DOCK3: variants seen among roughly 807,000 people sequenced by gnomAD.
The protein encoded by DOCK3 is dedicator of cytokinesis protein 3.
Under a neutral mutation model 265.6 loss-of-function variants are expected in DOCK3, and 60 were observed. The ratio of observed to expected loss-of-function variants is 0.23; its 90% CI spans 0.18 to 0.28. DOCK3 has a LOEUF of 0.28. Among genes scored for constraint, DOCK3 ranks in the 10% least tolerant of loss-of-function variants. DOCK3 has a pLI of 1.00. For missense variants in DOCK3, 1,981 were observed against 2,594.3 expected (o/e 0.76, Z 5.14); for synonymous variants, 881 against 938.0 (o/e 0.94, Z 1.11).
intron 12 of DOCK3, among the ~76,000 whole-genome samples, chr3:51,176,190 G>A (rs768394900): frequency 1.1e-4 from 17 of 152,188 alleles, no homozygotes; most frequent in Non-Finnish European, 2.1e-4. Context: ...ATTAACAACA[G>A]GAGTCTTTAA....
rs534473096 is a variant in DOCK3 at position 51,094,946 on chromosome 3, T to A, written c.746+4562T>A. Among the ~76,000 whole-genome samples, 10 of 152,120 alleles carry A rather than the reference T, an allele frequency of 6.6e-5. No individual in the cohort carries two copies. In the East Asian group the frequency reaches 1.7e-3, roughly 27 times the overall value. On this transcript the variant is annotated intron_variant, in intron 9 of 52. Coordinates refer to ENST00000266037, the MANE Select transcript of DOCK3 (RefSeq NM_004947.5). ...ATGCCCTTCTTTGTCTTTTTTGATC[T>A]TTGTTGGCTTAAAGTCTGTTTTATA...
chr3:50,939,312 A>C (rs2051567221), intron 5 of DOCK3, among the ~76,000 whole-genome samples: 1 of 152,118 alleles, frequency 6.6e-6, no homozygotes, highest in Admixed American at 6.5e-5. Context: ...CAGGCAAATA[A>C]ATAACACTAG....
rs1399181206 is a variant in DOCK3 at position 50,877,587 on chromosome 3, A to C, written c.163-12439A>C. ...TCAAGCGAGGATTCAGCTTGATGGC[A>C]TCTCTGAACAAGACAGTGGCTTTCT... On this transcript the variant is annotated intron_variant, in intron 3 of 52. Transcript: ENST00000266037. 5.8e-6 allele frequency: 3 copies of C among 518,432 alleles called. 1 individual carries two copies. The Admixed American group carries it at 5.8e-5, about 10-fold the overall frequency. The allele number at this position is 518,432 out of a possible 1,614,324, so 32.1% of individuals were successfully genotyped here.
rs565380858 is a variant in DOCK3 at position 51,274,005 on chromosome 3, G to T, written c.2549-1074G>T. On this transcript the variant is annotated intron_variant, in intron 24 of 52. Transcript: ENST00000266037. ...TCTACAGATGAGGAAAATAAAGCTCGTGAGAGGAGTCAACTTGCCTGAGGT... is the reference window on the plus strand; with the variant it reads ...TCTACAGATGAGGAAAATAAAGCTCTTGAGAGGAGTCAACTTGCCTGAGGT... Among the ~76,000 whole-genome samples, 71 of 152,164 alleles carry T rather than the reference G, an allele frequency of 4.7e-4. 1 individual carries two copies. The highest frequency in any genetic ancestry group is 3.2e-4 in the Non-Finnish European group (22 of 68,036).
At chr3:50,854,591 A>ATTTTTTTTTTTTTT (rs1559726991) in intron 3 of DOCK3, among the ~76,000 whole-genome samples, 66 of 4,302 alleles carry the variant, frequency 0.015, 3 homozygotes, top group South Asian at 0.034. Context: ...CCATCACACC[A>ATTTTTTTTTTTTTT]GTTTTTTTTT....
chr3:50,847,635 GC>G (rs1359545342), intron 3 of DOCK3, among the ~76,000 whole-genome samples: 1 of 152,096 alleles, frequency 6.6e-6, no homozygotes, highest in African/African-American at 2.4e-5. Flanking sequence ...TGTAATTCTA[GC>G]ACTTTGGGAG....
chr3:50,684,542 C>T (rs962990986), intron 1 of DOCK3, among the ~76,000 whole-genome samples: 1 of 152,168 alleles, frequency 6.6e-6, no homozygotes, highest in Admixed American at 6.5e-5. Context: ...GTTCAGATGA[C>T]AGATTTTGAG....
At chr3:51,348,090 G>A (rs752334707) in intron 38 of DOCK3, among the ~76,000 whole-genome samples, 100 of 152,288 alleles carry the variant, frequency 6.6e-4, no homozygotes, top group Non-Finnish European at 1.1e-3. Flanking sequence ...TGCAAACAGG[G>A]ACAATTTGAC....
chr3:50,778,714 T>C lies in DOCK3; in HGVS notation c.77T>C (p.Val26Ala), dbSNP rs1181546590. 1 of 1,589,646 alleles carries C rather than the reference T, an allele frequency of 6.3e-7. No individual in the cohort carries two copies. Among genetic ancestry groups the C allele is most frequent in the East Asian group, 2.3e-5 (1 of 44,304 alleles). The stretch of plus-strand genomic sequence containing the variant: ...CGAGGATCTGTCCCTCAAGGGTTGG[T>C]CTTAGAAATAGGAGAAACAGTCCAG... ...SFRGSVPQGLVLEIGETVQIL... is the reference protein window; with the variant it reads ...SFRGSVPQGLALEIGETVQIL... Residue 26 changes from valine (V) to alanine (A), a missense_variant, in exon 2 of 53, where the codon GTC becomes GCC. Physicochemically the swap from Val to Ala is moderately conservative, Grantham distance 64. Around this residue, in one of 4 missense-constraint regions of DOCK3, gnomAD observed 456 missense variants for 539.0 expected, o/e 0.85. Coordinates refer to ENST00000266037, the MANE Select transcript of DOCK3 (RefSeq NM_004947.5).
intron 5 of DOCK3, among the ~76,000 whole-genome samples, chr3:51,013,146 T>C (rs1379482777): frequency 6.6e-6 from 1 of 152,196 alleles, no homozygotes; most frequent in Non-Finnish European, 1.5e-5. Flanking sequence ...GAAGCCTACT[T>C]CTGTCACCTT....
At chr3:50,729,113 G>A (rs1432536132) in intron 1 of DOCK3, among the ~76,000 whole-genome samples, 1 of 146,342 alleles carries the variant, frequency 6.8e-6, no homozygotes, top group Non-Finnish European at 1.5e-5. Context: ...TTGAGCTCAG[G>A]AGTTCAAGAC....
At chr3:50,739,451 C>A (rs12495399) in intron 1 of DOCK3, among the ~76,000 whole-genome samples, 13,502 of 152,086 alleles carry the variant, frequency 0.089, 1,235 homozygotes, top group East Asian at 0.33. Flanking sequence ...AAAAATTGAA[C>A]CACCCATTCC....
At chr3:51,013,091 A>G (rs1480480492) in intron 5 of DOCK3, among the ~76,000 whole-genome samples, 1 of 152,150 alleles carries the variant, frequency 6.6e-6, no homozygotes, top group African/African-American at 2.4e-5. Context: ...AATGGGTTCG[A>G]ACATCCTCCT....
intron 12 of DOCK3, among the ~76,000 whole-genome samples, chr3:51,198,158 G>T (rs2088441817): frequency 6.6e-6 from 1 of 152,206 alleles, no homozygotes; most frequent in South Asian, 2.1e-4. Flanking sequence ...TGAAAATGAT[G>T]CCTTGCTCCT....
chr3:51,191,756 G>A (rs535606497), intron 12 of DOCK3, among the ~76,000 whole-genome samples: 2 of 151,864 alleles, frequency 1.3e-5, no homozygotes, highest in African/African-American at 2.4e-5. Flanking sequence ...TGGAAGAGAC[G>A]TGCTGACACT....
intron 2 of DOCK3, among the ~76,000 whole-genome samples, chr3:50,820,545 G>T (rs1390767407): frequency 6.6e-6 from 1 of 152,150 alleles, no homozygotes; most frequent in Non-Finnish European, 1.5e-5. Context: ...CGGATTATAT[G>T]TTTCACATTT....
At chr3:51,293,518 A>G (rs921433514) in intron 27 of DOCK3, among the ~76,000 whole-genome samples, 1 of 152,224 alleles carries the variant, frequency 6.6e-6, no homozygotes, top group Non-Finnish European at 1.5e-5. Context: ...AGCTACTAGA[A>G]GAAAACATAG....
chr3:50,957,900 A>T (rs2076771353), intron 5 of DOCK3, among the ~76,000 whole-genome samples: 1 of 152,198 alleles, frequency 6.6e-6, no homozygotes. Context: ...TTTCCACTCC[A>T]CAATTTCCCT....
chr3:51,146,837 T>C (rs1452808894), intron 10 of DOCK3, among the ~76,000 whole-genome samples: 1 of 152,332 alleles, frequency 6.6e-6, no homozygotes, highest in East Asian at 1.9e-4. Flanking sequence ...TTTTTATTAA[T>C]GAAATATAAT....
Sources: allele counts gnomAD v4.1 joint callset (sites outside exome capture counted in the v4.1 genomes callset), GRCh38; gene constraint gnomAD v4.1.1; regional missense constraint gnomAD v4.1.1; transcripts MANE v1.5; gene names NCBI Gene and HGNC (gene_info 2026-07-23, HGNC 2026-07-21).